TTC28: variants seen among roughly 807,000 people sequenced by gnomAD.
TTC28 encodes tetratricopeptide repeat domain 28, also known as tetratricopeptide repeat protein 28.
Under a neutral mutation model 198.0 loss-of-function variants are expected in TTC28, and 61 were observed. The ratio of observed to expected loss-of-function variants is 0.31; its 90% CI spans 0.25 to 0.38. The LOEUF is 0.38. Among genes scored for constraint, TTC28 ranks in the 10% least tolerant of loss-of-function variants. TTC28 has a pLI of 1.00. For synonymous variants in TTC28, 1,171 were observed against 1,297.8 expected (o/e 0.90, Z 2.10); for missense variants, 2,678 against 3,164.0 (o/e 0.85, Z 3.69).
intron 8 of TTC28, among the ~76,000 whole-genome samples, chr22:28,102,618 G>A (rs993206076): frequency 3.3e-5 from 5 of 152,176 alleles, no homozygotes; most frequent in African/African-American, 1.2e-4. Flanking sequence ...CACACACAAA[G>A]GAAGGACTTC....
intron 2 of TTC28, among the ~76,000 whole-genome samples, chr22:28,400,504 G>T (rs942855891): frequency 2.0e-5 from 3 of 152,238 alleles, no homozygotes; most frequent in African/African-American, 7.2e-5. Context: ...GAAAGACCCA[G>T]TGCACATATA....
intron 5 of TTC28, among the ~76,000 whole-genome samples, chr22:28,166,741 C>T (rs1040726470): frequency 4.6e-5 from 7 of 151,906 alleles, no homozygotes; most frequent in African/African-American, 1.5e-4. Flanking sequence ...AAATTGATAC[C>T]CTAACATCAC....
chr22:28,460,187 ACTC>A lies in TTC28; in HGVS notation c.382-153547_382-153545del, dbSNP rs2047926669. 2.8e-4 allele frequency among the ~76,000 whole-genome samples: 42 copies of A among 152,140 alleles called. 1 individual carries two copies. Among genetic ancestry groups the A allele is most frequent in the Non-Finnish European group, 2.9e-5 (2 of 68,020 alleles). ...GAATAAGCAAAAGAAGCCAGGTCAG[ACTC>A]AAAGTATCTTAACATGAAGATTTTA... is the stretch of plus-strand genomic sequence containing the variant. On this transcript the variant is annotated intron_variant, in intron 2 of 22. Transcript: ENST00000397906.
intron 6 of TTC28, among the ~76,000 whole-genome samples, chr22:28,135,665 G>A (rs895908199): frequency 2.0e-4 from 30 of 152,214 alleles, no homozygotes; most frequent in African/African-American, 7.2e-4. Flanking sequence ...GAAGTAAATA[G>A]AAGTTGAGGA....
intron 2 of TTC28, among the ~76,000 whole-genome samples, chr22:28,560,976 C>T (rs550817014): frequency 1.3e-5 from 2 of 150,836 alleles, no homozygotes; most frequent in Non-Finnish European, 3.0e-5. Flanking sequence ...AGGCTGGTCT[C>T]GAGCTCCTGA....
At chr22:28,591,843 T>C (rs1287017758) in intron 2 of TTC28, among the ~76,000 whole-genome samples, 1 of 152,186 alleles carries the variant, frequency 6.6e-6, no homozygotes. Flanking sequence ...GGATACACTA[T>C]TTTGCTCTAA....
chr22:28,661,129 A>G (rs2051737768), intron 1 of TTC28, among the ~76,000 whole-genome samples: 1 of 151,770 alleles, frequency 6.6e-6, no homozygotes, highest in Non-Finnish European at 1.5e-5. Flanking sequence ...TACTAAAAAT[A>G]CAAAATTAGC....
At chr22:28,146,351 T>TTC (rs1172651075) in intron 6 of TTC28, among the ~76,000 whole-genome samples, 2 of 152,220 alleles carry the variant, frequency 1.3e-5, no homozygotes, top group Non-Finnish European at 2.9e-5. Flanking sequence ...ACATAGGTGC[T>TTC]TCTTATTCCC....
chr22:28,566,444 T>G (rs1438024884), intron 2 of TTC28, among the ~76,000 whole-genome samples: 2 of 152,194 alleles, frequency 1.3e-5, no homozygotes, highest in Non-Finnish European at 2.9e-5. Context: ...GCTAATACCT[T>G]AAGCCTCTCC....
At chr22:28,401,157 AG>A (rs2046900467) in intron 2 of TTC28, among the ~76,000 whole-genome samples, 1 of 151,784 alleles carries the variant, frequency 6.6e-6, no homozygotes, top group Non-Finnish European at 1.5e-5. Context: ...GAGGAGAAAG[AG>A]GAAAAGGAAG....
intron 2 of TTC28, among the ~76,000 whole-genome samples, chr22:28,418,636 AAG>A (rs1489373957): frequency 6.6e-6 from 1 of 152,222 alleles, no homozygotes; most frequent in Non-Finnish European, 1.5e-5. Context: ...CACAGAGAGA[AAG>A]AGTCTCTTAA....
chr22:28,416,677 T>A (rs2047172126), intron 2 of TTC28, among the ~76,000 whole-genome samples: 1 of 152,178 alleles, frequency 6.6e-6, no homozygotes, highest in Non-Finnish European at 1.5e-5. Flanking sequence ...CACTCCAAGA[T>A]TTTAGATTAC....
chr22:28,396,965 A>G (rs1459100980), intron 2 of TTC28, among the ~76,000 whole-genome samples: 1 of 152,186 alleles, frequency 6.6e-6, no homozygotes, highest in African/African-American at 2.4e-5. Context: ...TCTGTACACA[A>G]TGAAATGTAC....
intron 5 of TTC28, among the ~76,000 whole-genome samples, chr22:28,200,625 T>C (rs1193017877): frequency 6.6e-6 from 1 of 152,088 alleles, no homozygotes; most frequent in African/African-American, 2.4e-5. Flanking sequence ...GAGGGCTAGA[T>C]AGATAGCTCC....
At chr22:28,169,653 C>T (rs1442497291) in intron 5 of TTC28, among the ~76,000 whole-genome samples, 1 of 152,052 alleles carries the variant, frequency 6.6e-6, no homozygotes, top group African/African-American at 2.4e-5. Context: ...GGGAACATCA[C>T]ACACCAGGGA....
chr22:28,585,550 C>G (rs2050301840), intron 2 of TTC28, among the ~76,000 whole-genome samples: 1 of 152,182 alleles, frequency 6.6e-6, no homozygotes, highest in African/African-American at 2.4e-5. Context: ...TCACCTCCTG[C>G]TGTGTGGCCT....
chr22:28,322,074 C>T (rs1251914291), intron 2 of TTC28, among the ~76,000 whole-genome samples: 1 of 152,174 alleles, frequency 6.6e-6, no homozygotes, highest in Admixed American at 6.5e-5. Context: ...CTGTGATCTG[C>T]CTGCCTCAGC....
At chr22:28,430,589 T>C (rs565368892) in intron 2 of TTC28, among the ~76,000 whole-genome samples, 1 of 152,240 alleles carries the variant, frequency 6.6e-6, no homozygotes, top group East Asian at 1.9e-4. Flanking sequence ...CATGAAACAA[T>C]GAGCAGAATC....
At chr22:28,316,328 A>ACATT (rs2045351020) in intron 2 of TTC28, among the ~76,000 whole-genome samples, 1 of 152,122 alleles carries the variant, frequency 6.6e-6, no homozygotes, top group African/African-American at 2.4e-5. Context: ...CTCTCTCATT[A>ACATT]CATTGTGTTG....
Sources: allele counts gnomAD v4.1 joint callset (sites outside exome capture counted in the v4.1 genomes callset), GRCh38; gene constraint gnomAD v4.1.1; transcripts MANE v1.5; gene names NCBI Gene and HGNC (gene_info 2026-07-23, HGNC 2026-07-21).